Variants in CEP112 observed in about 807,000 individuals in gnomAD.
The protein encoded by CEP112 is centrosomal protein of 112 kDa.
CEP112 carries 127 observed loss-of-function variants against 153.0 expected under a neutral mutation model. The observed-to-expected ratio is 0.83, with a 90% CI of 0.72 to 0.96. The LOEUF is 0.96. Among genes scored for constraint, CEP112 ranks in the 40% least tolerant of loss-of-function variants. The pLI is 0.00. For missense variants in CEP112, 1,089 were observed against 1,101.2 expected (o/e 0.99, Z 0.16); for synonymous variants, 358 against 374.4 (o/e 0.96, Z 0.51).
intron 12 of CEP112, among the ~76,000 whole-genome samples, chr17:66,051,135 G>T (rs899501828): frequency 8.7e-6 from 1 of 115,012 alleles, no homozygotes; most frequent in African/African-American, 3.3e-5. Flanking sequence ...ACACCCCCCC[G>T]GGCCTAGCTA....
intron 24 of CEP112, among the ~76,000 whole-genome samples, chr17:65,676,422 A>G (rs1462594906): frequency 6.6e-6 from 1 of 152,164 alleles, no homozygotes; most frequent in African/African-American, 2.4e-5. Flanking sequence ...TGTTAAAGAT[A>G]TCTTCATAGA....
chr17:66,100,675 CAT>C (rs1358101190), intron 6 of CEP112, among the ~76,000 whole-genome samples: 3 of 151,906 alleles, frequency 2.0e-5, no homozygotes, highest in African/African-American at 7.3e-5. Context: ...ATACCTGAAT[CAT>C]ATTAAATACT....
chr17:65,882,813 A>T (rs1568165435), intron 20 of CEP112, among the ~76,000 whole-genome samples: 1 of 152,216 alleles, frequency 6.6e-6, no homozygotes, highest in Non-Finnish European at 1.5e-5. Flanking sequence ...CCATCCACTG[A>T]AGAGGAAACA....
At chr17:65,761,944 C>A (rs533751862) in intron 21 of CEP112, among the ~76,000 whole-genome samples, 48 of 152,218 alleles carry the variant, frequency 3.2e-4, no homozygotes, top group African/African-American at 1.1e-3. Context: ...TATGTCCTTA[C>A]TGATTTTTCT....
intron 21 of CEP112, among the ~76,000 whole-genome samples, chr17:65,841,711 A>T (rs2057524213): frequency 6.6e-6 from 1 of 152,056 alleles, no homozygotes; most frequent in Non-Finnish European, 1.5e-5. Flanking sequence ...AATTTTTCTG[A>T]TTTGATCACA....
chr17:65,904,080 T>C (rs1374943968), intron 19 of CEP112, among the ~76,000 whole-genome samples: 1 of 152,120 alleles, frequency 6.6e-6, no homozygotes, highest in Non-Finnish European at 1.5e-5. Context: ...CTATTCAACA[T>C]AGTATTGGAA....
At chr17:66,171,715 T>A (rs2072249695) in intron 4 of CEP112, among the ~76,000 whole-genome samples, 1 of 152,218 alleles carries the variant, frequency 6.6e-6, no homozygotes, top group Non-Finnish European at 1.5e-5. Flanking sequence ...TGTCTTCATG[T>A]ATGTAAAAAC....
At chr17:65,783,207 T>C (rs1170813056) in intron 21 of CEP112, among the ~76,000 whole-genome samples, 1 of 152,132 alleles carries the variant, frequency 6.6e-6, no homozygotes, top group African/African-American at 2.4e-5. Context: ...ATTAAATAAA[T>C]GCAAATCAAA....
chr17:66,025,367 G>T (rs1436887412), intron 16 of CEP112, among the ~76,000 whole-genome samples: 2 of 152,028 alleles, frequency 1.3e-5, no homozygotes, highest in Non-Finnish European at 2.9e-5. Context: ...GAACATATTT[G>T]CAAACTATGC....
At chr17:66,021,148 C>T (rs1331541132) in intron 16 of CEP112, among the ~76,000 whole-genome samples, 1 of 152,078 alleles carries the variant, frequency 6.6e-6, no homozygotes, top group Non-Finnish European at 1.5e-5. Context: ...AGGAATGATA[C>T]CAGGAAGTAC....
intron 20 of CEP112, among the ~76,000 whole-genome samples, chr17:65,894,757 A>C (rs1279855021): frequency 6.6e-6 from 1 of 152,098 alleles, no homozygotes; most frequent in Non-Finnish European, 1.5e-5. Context: ...TTCAGCAATA[A>C]TGTGAAACCA....
At chr17:65,744,458 A>G (rs933377621) in intron 22 of CEP112, among the ~76,000 whole-genome samples, 5 of 151,764 alleles carry the variant, frequency 3.3e-5, no homozygotes, top group Middle Eastern at 3.5e-3. Flanking sequence ...TATTGGCCAG[A>G]CTGGTCTCGA....
chr17:66,109,307 G>T (rs1232557196), intron 6 of CEP112, among the ~76,000 whole-genome samples: 2 of 152,114 alleles, frequency 1.3e-5, no homozygotes, highest in African/African-American at 4.8e-5. Context: ...ATCGATGTTT[G>T]AGATGACAGA....
rs1456786782 is a variant in CEP112, at chr17:65,937,466, G to A, written c.1873-9777C>T. On this transcript the variant is annotated intron_variant, in intron 18 of 26. Transcript: ENST00000535342. ...AGGTGAGGAGCGTCTCTGCCCGGCC[G>A]CCCCGTCTGAGAAGTGAGGAGACCC... 1.4e-4 allele frequency among the ~76,000 whole-genome samples: 15 copies of A among 110,922 alleles called. 1 individual carries two copies. Among genetic ancestry groups the A allele is most frequent in the South Asian group, 4.7e-4 (1 of 2,146 alleles). 72.8% of individuals were successfully genotyped at this position (110,922 alleles called of 152,430 possible). A position where few individuals can be genotyped will look rare whatever the true frequency, so the allele number is the denominator to read the frequency against.
chr17:66,178,251 C>G (rs1283196318), intron 2 of CEP112, among the ~76,000 whole-genome samples: 1 of 152,162 alleles, frequency 6.6e-6, no homozygotes, highest in Non-Finnish European at 1.5e-5. Context: ...TGGATAAAAG[C>G]CATTTTAACT....
intron 24 of CEP112, among the ~76,000 whole-genome samples, chr17:65,681,834 T>C (rs892200176): frequency 1.3e-5 from 2 of 151,424 alleles, no homozygotes; most frequent in Admixed American, 6.6e-5. Context: ...TCACCACACC[T>C]GGCTAATATT....
chr17:65,703,539 A>AAT (rs2048750587), intron 23 of CEP112, among the ~76,000 whole-genome samples: 2 of 140,946 alleles, frequency 1.4e-5, no homozygotes. Context: ...AAAAAAAAAA[A>AAT]GCTAAGGTTC....
At chr17:65,827,422 C>T (rs995100534) in intron 21 of CEP112, among the ~76,000 whole-genome samples, 8 of 152,300 alleles carry the variant, frequency 5.3e-5, no homozygotes, top group African/African-American at 1.9e-4. Context: ...ATCATATTTA[C>T]TCTTACTTAA....
chr17:65,999,344 G>A (rs1034015865), intron 17 of CEP112, among the ~76,000 whole-genome samples: 2 of 151,846 alleles, frequency 1.3e-5, no homozygotes, highest in Non-Finnish European at 2.9e-5. Context: ...TGGGACTATA[G>A]GCGCCTGCCA....
Sources: allele counts gnomAD v4.1 joint callset (sites outside exome capture counted in the v4.1 genomes callset), GRCh38; gene constraint gnomAD v4.1.1; transcripts MANE v1.5; gene names NCBI Gene and HGNC (gene_info 2026-07-23, HGNC 2026-07-21).